The following ZNF30 variants were observed in gnomAD, a reference collection of about 807,000 sequenced individuals.
The protein encoded by ZNF30 is zinc finger protein 30 (KOX 28).
Under a neutral mutation model 13.2 loss-of-function variants are expected in ZNF30, and 15 were observed. The observed-to-expected ratio is 1.13, with a 90% confidence interval of 0.76 to 1.75. The LOEUF (loss-of-function observed/expected upper bound fraction) is 1.75. ZNF30 is among the 40% of genes most tolerant of loss of function. The pLI, the probability that ZNF30 is intolerant of heterozygous loss-of-function variation, is 0.00. For synonymous variants in ZNF30, 223 were observed against 256.6 expected (o/e 0.87, Z 1.25); for missense variants, 726 against 757.0 (o/e 0.96, Z 0.48).
chr19:34,932,781 C>G (rs200322448), intron 3 of ZNF30, among the ~76,000 whole-genome samples: 2 of 135,426 alleles, frequency 1.5e-5, no homozygotes, highest in Non-Finnish European at 3.2e-5. Context: ...GTCATACTTT[C>G]TTTTTTTTTT....
chr19:34,930,054 A>C (rs140824962), intron 2 of ZNF30, 98 bp downstream of exon 2: 15,564 of 1,227,364 alleles, frequency 0.013, 433 homozygotes, highest in South Asian at 0.086. Flanking sequence ...TGTACCATCT[A>C]ATTGCCTACT....
upstream of ZNF30, among the ~76,000 whole-genome samples, chr19:34,924,398 G>A (rs1224774145): frequency 1.3e-5 from 2 of 151,796 alleles, no homozygotes; most frequent in Non-Finnish European, 2.9e-5. Context: ...AATTTCTATT[G>A]TATTCACCCC....
intron 4 of ZNF30, chr19:34,942,731 G>A: frequency 1.3e-6 from 1 of 785,608 alleles, no homozygotes; most frequent in Non-Finnish European, 1.9e-6. Context: ...GTCAGTATGG[G>A]ACAGAGGGAG....
intron 2 of ZNF30, among the ~76,000 whole-genome samples, chr19:34,931,279 C>T (rs2012439158): frequency 6.6e-6 from 1 of 152,092 alleles, no homozygotes; most frequent in South Asian, 2.1e-4. Context: ...TCGTGTGATC[C>T]ACCCACCTCA....
chr19:34,935,973 G>A (rs529401170), intron 4 of ZNF30, among the ~76,000 whole-genome samples: 34 of 152,300 alleles, frequency 2.2e-4, no homozygotes, highest in African/African-American at 7.2e-4. Context: ...GAGAATGAGG[G>A]CCAAGTGACA....
At chr19:34,937,983 G>A (rs1326473942) in intron 4 of ZNF30, among the ~76,000 whole-genome samples, 1 of 152,118 alleles carries the variant, frequency 6.6e-6, no homozygotes, top group Admixed American at 6.5e-5. Context: ...TTTAGTAGAG[G>A]TGGGGTTTCA....
chr19:34,938,439 G>A (rs2012855028), intron 4 of ZNF30, among the ~76,000 whole-genome samples: 1 of 151,744 alleles, frequency 6.6e-6, no homozygotes, highest in Non-Finnish European at 1.5e-5. Context: ...ATTCTTAAAA[G>A]TCTGGATTTG....
At position 34,926,944 on chromosome 19, in the gene ZNF30, A is replaced by G. The variant is rs538171349; in HGVS notation, c.-337A>G. ...GGCATGCTCGGCGGTGTGACGGCTC[A>G]GGACTGCATTTCCCAGAGGCTGCAG... is the stretch of plus-strand genomic sequence containing the variant. On this transcript the variant is annotated 5_prime_UTR_variant, in exon 1 of 5. Coordinates refer to ENST00000601142, the MANE Select transcript of ZNF30 (RefSeq NM_194325.3). 1.5e-4 allele frequency: 60 copies of G among 398,514 alleles called. No homozygotes were observed. Among genetic ancestry groups the G allele is most frequent in the Non-Finnish European group, 1.2e-4 (26 of 226,002 alleles). 24.7% of individuals were successfully genotyped at this position (398,514 alleles called of 1,614,324 possible). A position where few individuals can be genotyped will look rare whatever the true frequency, so the allele number is the denominator to read the frequency against.
chr19:34,925,412 G>C (rs939602269), upstream of ZNF30, among the ~76,000 whole-genome samples: 1 of 152,168 alleles, frequency 6.6e-6, no homozygotes, highest in African/African-American at 2.4e-5. Flanking sequence ...CTGGAATCGG[G>C]CTGCTCCGCA....
chr19:34,930,543 C>T (rs1243645738), intron 2 of ZNF30, among the ~76,000 whole-genome samples: 1 of 152,110 alleles, frequency 6.6e-6, no homozygotes, highest in Non-Finnish European at 1.5e-5. Context: ...GAGTCATTTT[C>T]ACCCTAATCC....
upstream of ZNF30, among the ~76,000 whole-genome samples, chr19:34,925,034 T>G (rs2012014186): frequency 6.6e-6 from 1 of 152,224 alleles, no homozygotes; most frequent in African/African-American, 2.4e-5. Flanking sequence ...CTTGTCCCCC[T>G]GGCAGGGCGT....
intron 3 of ZNF30, among the ~76,000 whole-genome samples, chr19:34,932,537 G>A (rs1379814936): frequency 2.6e-5 from 4 of 151,988 alleles, no homozygotes; most frequent in East Asian, 1.9e-4. Flanking sequence ...AACACACAGC[G>A]TGCTTACTGT....
In ZNF30 at chr19:34,942,511, A is replaced by T. The variant is rs888330052; in HGVS notation, c.257-712A>T. 5.6e-6 allele frequency: 3 copies of T among 540,200 alleles called. No individual in the cohort carries two copies. The African/African-American group carries it at 6.1e-5, about 11-fold the overall frequency. The allele number at this position is 540,200 out of a possible 1,614,324, so 33.5% of individuals were successfully genotyped here. ...GAAACCAAAGAATGAAGTGCTAGAA[A>T]GTAAAGACATGGACGTCCTTAGACA... is the stretch of plus-strand genomic sequence containing the variant. On this transcript the variant is annotated intron_variant, in intron 4 of 4. Coordinates refer to ENST00000601142, the MANE Select transcript of ZNF30 (RefSeq NM_194325.3).
In ZNF30 at chr19:34,932,005, T is replaced by C. The variant is rs748266957; in HGVS notation, c.160+12T>C. On this transcript the variant is annotated intron_variant, in intron 3 of 4. Coordinates refer to ENST00000601142, the MANE Select transcript of ZNF30 (RefSeq NM_194325.3). ...CTTGGTGTCAATGGGTAAGTGTACT[T>C]CTCTCAAATAATTGAGAATCTGCTC... 2.2e-5 allele frequency: 34 copies of C among 1,557,686 alleles called. No individual in the cohort carries two copies. Among genetic ancestry groups the C allele is most frequent in the Non-Finnish European group, 8.6e-7 (1 of 1,157,076 alleles).
intron 4 of ZNF30, 141 bp from the exon 5 acceptor site, chr19:34,943,082 T>C (rs898826797): frequency 1.7e-6 from 1 of 604,266 alleles, no homozygotes; most frequent in Non-Finnish European, 2.6e-6. Flanking sequence ...CATTCCTTTT[T>C]TTTTTTTTGA....
At position 34,942,131 on chromosome 19, in the gene ZNF30, T is replaced by C. The variant is rs998235601; in HGVS notation, c.257-1092T>C. Among the ~76,000 whole-genome samples, 13 of 152,216 alleles carry C rather than the reference T, an allele frequency of 8.5e-5. 1 individual carries two copies. Among genetic ancestry groups the C allele is most frequent in the African/African-American group, 3.1e-4 (13 of 41,460 alleles). ...AAATATCATTCTTTGTATGGAGATA[T>C]TTTATTACGATTATTTCTTTTGTAT... On this transcript the variant is annotated intron_variant, in intron 4 of 4. Coordinates refer to ENST00000601142, the MANE Select transcript of ZNF30 (RefSeq NM_194325.3).
At chr19:34,937,184 T>G (rs1367123939) in intron 4 of ZNF30, among the ~76,000 whole-genome samples, 1 of 151,934 alleles carries the variant, frequency 6.6e-6, no homozygotes, top group East Asian at 2.0e-4. Flanking sequence ...ACTAATTTTT[T>G]ATATTTTTAG....
At chr19:34,934,804 C>G (rs1293639238) in intron 4 of ZNF30, among the ~76,000 whole-genome samples, 1 of 152,140 alleles carries the variant, frequency 6.6e-6, no homozygotes, top group Non-Finnish European at 1.5e-5. Context: ...AGGACAAATA[C>G]ATAATGAACA....
chr19:34,933,564 C>A, intron 3 of ZNF30, 64 bp from the exon 4 acceptor site: 3 of 1,283,392 alleles, frequency 2.3e-6, no homozygotes, highest in Admixed American at 2.0e-5. Context: ...CAAATTTAAC[C>A]AAAGCTGGAA....
Sources: allele counts gnomAD v4.1 joint callset (sites outside exome capture counted in the v4.1 genomes callset), GRCh38; gene constraint gnomAD v4.1.1; transcripts MANE v1.5; gene names NCBI Gene and HGNC (gene_info 2026-07-23, HGNC 2026-07-21).